Variants in DAGLA observed in about 807,000 individuals in gnomAD.
DAGLA encodes diacylglycerol lipase-alpha.
DAGLA carries 22 observed loss-of-function variants against 102.6 expected under a neutral mutation model. That is an observed-to-expected ratio of 0.21 (90% CI 0.15 to 0.31). The LOEUF (loss-of-function observed/expected upper bound fraction) is 0.31, where lower values mean the gene tolerates loss of function less well. DAGLA is among the 10% of genes least tolerant of loss of function. The pLI is 1.00. For synonymous variants in DAGLA, 578 were observed against 628.9 expected, an observed-to-expected ratio of 0.92 and a Z score of 1.21; for missense variants, 927 against 1,446.6, an observed-to-expected ratio of 0.64 and a Z score of 5.83.
chr11:61,729,397 T>C (rs572353146), intron 8 of DAGLA, among the ~76,000 whole-genome samples: 3 of 152,308 alleles, frequency 2.0e-5, no homozygotes, highest in East Asian at 3.9e-4. Context: ...TCGCCTTTCG[T>C]AGAAATCCAG....
intron 1 of DAGLA, among the ~76,000 whole-genome samples, chr11:61,704,978 A>G (rs2065137688): frequency 6.6e-6 from 1 of 152,070 alleles, no homozygotes; most frequent in Non-Finnish European, 1.5e-5. Context: ...TCCTGGACTG[A>G]CATCCTGACC....
intron 1 of DAGLA, among the ~76,000 whole-genome samples, chr11:61,715,607 A>C (rs1477290090): frequency 6.6e-6 from 1 of 152,196 alleles, no homozygotes; most frequent in Admixed American, 6.5e-5. Context: ...GGGTGCTTTT[A>C]CCAGCAGCAC....
At chr11:61,724,768 T>C (rs2065310409) in intron 5 of DAGLA, among the ~76,000 whole-genome samples, 2 of 152,124 alleles carry the variant, frequency 1.3e-5, no homozygotes, top group Admixed American at 6.5e-5. Context: ...CATCCCACAG[T>C]GCTCTGGGAA....
intron 8 of DAGLA, 127 bp from the exon 9 acceptor site, chr11:61,731,190 C>A: frequency 8.7e-7 from 1 of 1,155,530 alleles, no homozygotes; most frequent in Non-Finnish European, 1.2e-6. Context: ...CACACCTCAA[C>A]AGGGGACCAG....
chr11:61,702,367 A>G (rs1168247079), intron 1 of DAGLA, among the ~76,000 whole-genome samples: 2 of 152,174 alleles, frequency 1.3e-5, no homozygotes, highest in Non-Finnish European at 2.9e-5. Flanking sequence ...CTCCAGGACA[A>G]TGTTGGGGCC....
chr11:61,737,386 G>A (rs2065432418), intron 14 of DAGLA, 62 bp downstream of exon 14: 1 of 1,599,030 alleles, frequency 6.3e-7, no homozygotes, highest in Non-Finnish European at 8.5e-7. Context: ...GCTGAGGGTT[G>A]GCTGGTGCTA....
intron 8 of DAGLA, 123 bp from the exon 9 acceptor site, chr11:61,731,194 G>A: frequency 8.2e-7 from 1 of 1,214,190 alleles, no homozygotes; most frequent in South Asian, 1.5e-5. Context: ...CCTCAACAGG[G>A]GACCAGCAAC....
At chr11:61,699,939 G>T (rs2065095957) in intron 1 of DAGLA, among the ~76,000 whole-genome samples, 1 of 152,244 alleles carries the variant, frequency 6.6e-6, no homozygotes, top group Non-Finnish European at 1.5e-5. Context: ...GCTGGGGAGG[G>T]TGGCAGGCAG....
chr11:61,689,508 C>CT (rs199969886), intron 1 of DAGLA, among the ~76,000 whole-genome samples: 24,002 of 114,000 alleles, frequency 0.21, 2,147 homozygotes, highest in East Asian at 0.32. Flanking sequence ...GTTTCCTCAT[C>CT]TTTTTTTTTT....
Position 61,720,885 on chromosome 11 carries a change from GCCTGGGTAAGGGCCACCCAC to G in DAGLA, c.307+2_307+21del. ...TCCATGCAGTACGTGCTCTACGTGCGCCTGGGTAAGGGCCACCCACCCTGGGGTGCTGCCCCAGACAACTC... is the reference window on the plus strand; with the variant it reads ...TCCATGCAGTACGTGCTCTACGTGCGCCTGGGGTGCTGCCCCAGACAACTC... On this transcript the variant is annotated splice_donor_variant and splice_donor_5th_base_variant and coding_sequence_variant and intron_variant, in exon 3 of 20. Coordinates refer to ENST00000257215, the MANE Select transcript of DAGLA (RefSeq NM_006133.3). LOFTEE classifies it high-confidence loss of function. 6.2e-7 allele frequency: 1 copy of G among 1,611,320 alleles called. No individual in the cohort carries two copies. Among genetic ancestry groups the G allele is most frequent in the Non-Finnish European group, 8.5e-7 (1 of 1,178,864 alleles).
At chr11:61,737,644 C>T (rs1310832075) in intron 14 of DAGLA, 43 bp from the exon 15 acceptor site, 3 of 1,576,542 alleles carry the variant, frequency 1.9e-6, no homozygotes, top group Non-Finnish European at 2.6e-6. Context: ...ACACCACCAC[C>T]CCGCCCCCTT....
intron 4 of DAGLA, 92 bp downstream of exon 4, chr11:61,723,052 A>C (rs1421840151): frequency 9.3e-7 from 1 of 1,078,044 alleles, no homozygotes; most frequent in Non-Finnish European, 1.4e-6. Flanking sequence ...GGGCATTGCC[A>C]GAGGGCAGTG....
chr11:61,689,457 CACT>C (rs2065008126), intron 1 of DAGLA, among the ~76,000 whole-genome samples: 1 of 150,974 alleles, frequency 6.6e-6, no homozygotes. Flanking sequence ...TATATGAGAC[CACT>C]ACTACTTGTG....
intron 9 of DAGLA, among the ~76,000 whole-genome samples, chr11:61,733,956 G>A (rs894199436): frequency 2.0e-5 from 3 of 152,176 alleles, no homozygotes; most frequent in Admixed American, 6.5e-5. Flanking sequence ...GCCAGGCCAC[G>A]CTGTCTCAGG....
chr11:61,732,954 C>CG (rs757636007), intron 9 of DAGLA, among the ~76,000 whole-genome samples: 10 of 152,132 alleles, frequency 6.6e-5, no homozygotes, highest in East Asian at 5.8e-4. Context: ...CCCTCCCATC[C>CG]GGGGTGCTGG....
intron 12 of DAGLA, 76 bp from the exon 13 acceptor site, chr11:61,736,194 A>T (rs1471843767): frequency 8.0e-7 from 1 of 1,250,716 alleles, no homozygotes; most frequent in East Asian, 2.3e-5. Context: ...AGGGTTCCTG[A>T]GCTGCAGGTC....
At chr11:61,712,579 C>G (rs1009676610) in intron 1 of DAGLA, among the ~76,000 whole-genome samples, 4 of 152,240 alleles carry the variant, frequency 2.6e-5, no homozygotes, top group African/African-American at 9.6e-5. Flanking sequence ...AGGCTCCGCT[C>G]TGCCTTCTGC....
chr11:61,689,878 G>C (rs993107404), intron 1 of DAGLA, among the ~76,000 whole-genome samples: 2 of 152,118 alleles, frequency 1.3e-5, no homozygotes, highest in African/African-American at 4.8e-5. Context: ...GGGGAAGCCA[G>C]TTTCTTCCTC....
intron 19 of DAGLA, among the ~76,000 whole-genome samples, chr11:61,741,690 C>T (rs1264587799): frequency 6.6e-6 from 1 of 151,088 alleles, no homozygotes; most frequent in Non-Finnish European, 1.5e-5. Context: ...TGGCTCACTG[C>T]AACCTCCACC....
Sources: gnomAD v4.1 joint callset for allele counts (sites outside exome capture counted in the v4.1 genomes callset) on GRCh38, gnomAD v4.1.1 for gene constraint, MANE v1.5 for transcripts, NCBI Gene and HGNC (gene_info 2026-07-23, HGNC 2026-07-21) for gene names.